The following SUFU variants were observed in gnomAD, a reference collection of about 807,000 sequenced individuals.
SUFU encodes suppressor of fused homolog.
SUFU carries 7 observed loss-of-function variants against 58.9 expected under a neutral mutation model. The observed-to-expected ratio is 0.12, with a 90% CI of 0.07 to 0.22. SUFU has a LOEUF of 0.22. Ranked by LOEUF, SUFU falls within the 10% of genes least tolerant of loss-of-function variation. The probability of loss-of-function intolerance (pLI) is 1.00; values close to 1 mark genes in which losing one functional copy is unlikely to be tolerated. For missense variants in SUFU, 451 were observed against 641.3 expected (o/e 0.70, Z 3.20); for synonymous variants, 232 against 254.8 (o/e 0.91, Z 0.85).
At chr10:102,608,383 A>G (rs756427936) in intron 8 of SUFU, among the ~76,000 whole-genome samples, 3 of 152,220 alleles carry the variant, frequency 2.0e-5, no homozygotes, top group Non-Finnish European at 2.9e-5. Flanking sequence ...AAGATATTGT[A>G]TGAGCTGTTA....
At chr10:102,603,512 T>C (rs2063533898) in intron 8 of SUFU, among the ~76,000 whole-genome samples, 2 of 152,180 alleles carry the variant, frequency 1.3e-5, no homozygotes, top group South Asian at 4.1e-4. Flanking sequence ...AGGGGAAAAG[T>C]TCCTGACTAT....
At chr10:102,591,995 G>A (rs2063407410) in intron 3 of SUFU, among the ~76,000 whole-genome samples, 1 of 152,156 alleles carries the variant, frequency 6.6e-6, no homozygotes, top group Non-Finnish European at 1.5e-5. Flanking sequence ...GCCACGGTGT[G>A]GGAGGCACTA....
In SUFU at chr10:102,628,220, C is replaced by CAGCCAGGA. The variant is rs978314665; in HGVS notation, c.1365+978_1365+985dup. Among the ~76,000 whole-genome samples, 1 of 152,160 alleles carries CAGCCAGGA rather than the reference C, an allele frequency of 6.6e-6. No individual in the cohort carries two copies. The highest frequency in any genetic ancestry group is 2.4e-5 in the African/African-American group (1 of 41,438). ...GCTTCCAGGGCTCCCTGGGCTGCAA[C>CAGCCAGGA]AGCCAGGACACAGGCCTCTGGTGTT... On this transcript the variant is annotated intron_variant, in intron 11 of 11. Coordinates refer to ENST00000369902, the MANE Select transcript of SUFU (RefSeq NM_016169.4). The surrounding 1 kb of genome is among the most constrained non-coding windows in gnomAD (Gnocchi z 4.5).
chr10:102,555,027 G>T (rs1247584825), intron 3 of SUFU, among the ~76,000 whole-genome samples: 2 of 152,124 alleles, frequency 1.3e-5, no homozygotes, highest in Non-Finnish European at 2.9e-5. Flanking sequence ...CCAGTACTCT[G>T]GGAGGCCGAG....
chr10:102,621,204 T>A (rs187626914), intron 10 of SUFU, among the ~76,000 whole-genome samples: 251 of 152,322 alleles, frequency 1.6e-3, no homozygotes, highest in Non-Finnish European at 2.4e-3. Flanking sequence ...CTTTGGTGCC[T>A]CTACTGTTCC....
At chr10:102,541,379 C>T (rs938760873) in intron 2 of SUFU, among the ~76,000 whole-genome samples, 2 of 146,728 alleles carry the variant, frequency 1.4e-5, no homozygotes, top group African/African-American at 5.1e-5. Context: ...GTATATTTTC[C>T]TACTTTTCTT....
intron 2 of SUFU, among the ~76,000 whole-genome samples, chr10:102,512,945 G>A (rs12261195): frequency 0.043 from 6,601 of 151,906 alleles, 460 homozygotes; most frequent in African/African-American, 0.15. Context: ...GGTGTGCATC[G>A]TAGCCCTAGC....
chr10:102,522,126 T>G (rs550711383), intron 2 of SUFU, among the ~76,000 whole-genome samples: 17 of 152,372 alleles, frequency 1.1e-4, no homozygotes, highest in African/African-American at 4.1e-4. Context: ...GCTTGCCCAC[T>G]GTTGCTAGGG....
intron 3 of SUFU, among the ~76,000 whole-genome samples, chr10:102,555,689 A>C (rs1410964903): frequency 6.6e-6 from 1 of 152,174 alleles, no homozygotes; most frequent in African/African-American, 2.4e-5. Flanking sequence ...TCTATAGTGT[A>C]AGTAATTGCC....
At position 102,549,074 on chromosome 10, in the gene SUFU, G is replaced by A. The variant is rs114071665; in HGVS notation, c.318-896G>A. Among the ~76,000 whole-genome samples the A allele has an allele frequency of 5.4e-3, 826 of 152,228 alleles. 7 individuals carry two copies. Among genetic ancestry groups the A allele is most frequent in the African/African-American group, 0.019 (771 of 41,526 alleles). ...CACCCAGTATTTGGAATCTGCCTTA[G>A]GACCTGTCCACAAATGCTGAGTCTG... On this transcript the variant is annotated intron_variant, in intron 2 of 11. Coordinates refer to ENST00000369902, the MANE Select transcript of SUFU (RefSeq NM_016169.4).
At chr10:102,592,795 G>C in intron 4 of SUFU, 71 bp downstream of exon 4, 1 of 1,580,648 alleles carries the variant, frequency 6.3e-7, no homozygotes. Flanking sequence ...GGAGGCTTGA[G>C]GAGGGGGAGT....
chr10:102,627,937 C>T (rs890164646), intron 11 of SUFU, among the ~76,000 whole-genome samples: 7 of 152,230 alleles, frequency 4.6e-5, no homozygotes, highest in Non-Finnish European at 7.4e-5. Flanking sequence ...CTCCCCCGCT[C>T]CTGCCCGCAG....
chr10:102,569,685 G>C (rs2063141323), intron 3 of SUFU, among the ~76,000 whole-genome samples: 2 of 152,128 alleles, frequency 1.3e-5, no homozygotes, highest in Admixed American at 1.3e-4. Flanking sequence ...CAGGTACATA[G>C]ACGGCTGAGG....
chr10:102,589,043 C>T (rs2063365566), intron 3 of SUFU, among the ~76,000 whole-genome samples: 1 of 152,142 alleles, frequency 6.6e-6, no homozygotes, highest in Non-Finnish European at 1.5e-5. Flanking sequence ...CTGCTCCAGC[C>T]TCCCAGATAG....
At chr10:102,529,070 A>G (rs1032068374) in intron 2 of SUFU, among the ~76,000 whole-genome samples, 1 of 149,714 alleles carries the variant, frequency 6.7e-6, no homozygotes, top group Non-Finnish European at 1.5e-5. Flanking sequence ...AAGCTTAGCT[A>G]TATCAGAATA....
chr10:102,542,296 C>A (rs1389232373), intron 2 of SUFU, among the ~76,000 whole-genome samples: 4 of 151,436 alleles, frequency 2.6e-5, no homozygotes, highest in Non-Finnish European at 5.9e-5. Flanking sequence ...CCACTCCCAG[C>A]TAGTTTTTGT....
intron 2 of SUFU, among the ~76,000 whole-genome samples, chr10:102,514,848 G>A (rs2062446982): frequency 6.6e-6 from 1 of 152,274 alleles, no homozygotes; most frequent in Non-Finnish European, 1.5e-5. Context: ...GAGGCTGGAA[G>A]GCTGGGTAGT....
chr10:102,531,001 G>A (rs1285883503), intron 2 of SUFU, among the ~76,000 whole-genome samples: 1 of 150,884 alleles, frequency 6.6e-6, no homozygotes, highest in Non-Finnish European at 1.5e-5. Context: ...GCTTTGGGAG[G>A]CTGAGTCAGG....
chr10:102,577,970 C>T (rs536700552), intron 3 of SUFU, among the ~76,000 whole-genome samples: 78 of 149,344 alleles, frequency 5.2e-4, no homozygotes, highest in African/African-American at 1.8e-3. Context: ...CGTGAGCCAC[C>T]GTGCCTGGCC....
Sources: allele counts gnomAD v4.1 joint callset (sites outside exome capture counted in the v4.1 genomes callset), GRCh38; gene constraint gnomAD v4.1.1; non-coding constraint Gnocchi (gnomAD v3.1); transcripts MANE v1.5; gene names NCBI Gene and HGNC (gene_info 2026-07-23, HGNC 2026-07-21).